The following SH3GL3 variants were observed in gnomAD, a reference collection of about 807,000 sequenced individuals.
The protein encoded by SH3GL3 is SH3 domain containing GRB2 like 3, endophilin A3, also known as endophilin-A3.
In SH3GL3, 33 loss-of-function variants were observed where a neutral mutation model predicts 47.7. That is an observed-to-expected ratio of 0.69 (90% CI 0.52 to 0.92). The LOEUF is 0.92. Among genes scored for constraint, SH3GL3 ranks in the 40% least tolerant of loss-of-function variants. The pLI is 0.00. For synonymous variants in SH3GL3, 155 were observed against 148.8 expected, an observed-to-expected ratio of 1.04 and a Z score of -0.30; for missense variants, 363 against 417.8, an observed-to-expected ratio of 0.87 and a Z score of 1.14.
chr15:83,483,572 G>T (rs2041464620), intron 1 of SH3GL3, among the ~76,000 whole-genome samples: 1 of 152,176 alleles, frequency 6.6e-6, no homozygotes. Context: ...CCCAGTACTT[G>T]TCACACAGTA....
Position 83,592,178 on chromosome 15 carries a change from T to C in SH3GL3, c.838+3407T>C, listed in dbSNP as rs1382003769. Among the ~76,000 whole-genome samples the C allele has an allele frequency of 3.3e-5, 5 of 152,248 alleles. No individual in the cohort carries two copies. The South Asian group carries it at 1.0e-3, about 31-fold the overall frequency. On this transcript the variant is annotated intron_variant, in intron 8 of 8. Coordinates refer to ENST00000427482, the MANE Select transcript of SH3GL3 (RefSeq NM_003027.5). The stretch of plus-strand genomic sequence containing the variant: ...TCTGATTCTTCAGTTTGGATAAATG[T>C]ATTGATTTCCTGATATGGAAGATAA...
At chr15:83,566,254 A>G (rs2045529068) in intron 3 of SH3GL3, among the ~76,000 whole-genome samples, 1 of 152,136 alleles carries the variant, frequency 6.6e-6, no homozygotes, top group East Asian at 1.9e-4. Flanking sequence ...CCTAGAGAAG[A>G]GGCAGCCCTA....
chr15:83,617,208 T>C (rs1469577476), intron 8 of SH3GL3, among the ~76,000 whole-genome samples: 1 of 152,224 alleles, frequency 6.6e-6, no homozygotes, highest in African/African-American at 2.4e-5. Context: ...GTAAATATTC[T>C]TGTCTGTAAA....
chr15:83,517,086 C>G (rs2043008186), intron 1 of SH3GL3, among the ~76,000 whole-genome samples: 1 of 152,006 alleles, frequency 6.6e-6, no homozygotes, highest in Non-Finnish European at 1.5e-5. Flanking sequence ...CATACTTATA[C>G]ATGTCTCCTA....
At chr15:83,627,146 C>T in the SH3GL3 span, among the ~76,000 whole-genome samples, 5 of 151,900 alleles carry the variant, frequency 3.3e-5, no homozygotes, top group African/African-American at 7.3e-5. Flanking sequence ...CCTTGTAATC[C>T]CAGCACTTTG....
At chr15:83,532,505 T>C (rs1346364484) in intron 1 of SH3GL3, among the ~76,000 whole-genome samples, 2 of 152,162 alleles carry the variant, frequency 1.3e-5, no homozygotes, top group Non-Finnish European at 2.9e-5. Context: ...GGACAGTAGA[T>C]TTAGAATGTC....
chr15:83,517,814 C>T (rs772478572), intron 1 of SH3GL3, among the ~76,000 whole-genome samples: 16 of 151,998 alleles, frequency 1.1e-4, no homozygotes, highest in Non-Finnish European at 1.9e-4. Flanking sequence ...TATTGCATGA[C>T]GCTGAGGTTT....
chr15:83,531,588 A>G (rs79426250), intron 1 of SH3GL3, among the ~76,000 whole-genome samples: 159 of 152,272 alleles, frequency 1.0e-3, no homozygotes, highest in African/African-American at 3.5e-3. Context: ...TATGGATTTT[A>G]TTTTAAAGGT....
chr15:83,480,076 A>G (rs1384068442), intron 1 of SH3GL3, among the ~76,000 whole-genome samples: 1 of 152,204 alleles, frequency 6.6e-6, no homozygotes, highest in African/African-American at 2.4e-5. Context: ...CATAAGATGA[A>G]GATTTTTTGG....
At chr15:83,487,835 T>C (rs1336974990) in intron 1 of SH3GL3, among the ~76,000 whole-genome samples, 6 of 151,274 alleles carry the variant, frequency 4.0e-5, no homozygotes, top group Admixed American at 3.3e-4. Flanking sequence ...TCACTATCCA[T>C]TTTTTTTTCT....
In SH3GL3 at chr15:83,587,094, C is replaced by T. The variant is rs1185654098; in HGVS notation, c.728+8C>T. The T allele has an allele frequency of 1.3e-5, 20 of 1,520,900 alleles. No individual in the cohort carries two copies. The highest frequency in any genetic ancestry group is 1.8e-5 in the Non-Finnish European group (20 of 1,102,428). The allele number at this position is 1,520,900 out of a possible 1,614,324, so 94.2% of individuals were successfully genotyped here. A position where few individuals can be genotyped will look rare whatever the true frequency, so the allele number is the denominator to read the frequency against. ...GAGCAAGCTACAGATGCGGTAAGCA[C>T]CTCCACGTTTCTTACAAGCCAAGGG... is the stretch of plus-strand genomic sequence containing the variant. On this transcript the variant is annotated splice_region_variant and intron_variant, in intron 7 of 8. Transcript: ENST00000427482.
intron 8 of SH3GL3, among the ~76,000 whole-genome samples, chr15:83,604,703 T>C (rs1394682383): frequency 2.6e-5 from 4 of 152,218 alleles, no homozygotes; most frequent in Admixed American, 2.6e-4. Context: ...TGTATACATC[T>C]CTAGTACTAT....
chr15:83,500,689 C>G (rs1031287560), intron 1 of SH3GL3, among the ~76,000 whole-genome samples: 1 of 152,182 alleles, frequency 6.6e-6, no homozygotes, highest in African/African-American at 2.4e-5. Flanking sequence ...CTTCCTTTCT[C>G]CCTTCCAGGG....
intron 1 of SH3GL3, among the ~76,000 whole-genome samples, chr15:83,516,191 T>C (rs1384747642): frequency 1.3e-5 from 2 of 152,286 alleles, no homozygotes; most frequent in East Asian, 3.9e-4. Context: ...TCTCTTTTTC[T>C]GTGAACATAA....
chr15:83,511,296 G>T (rs2042736005), intron 1 of SH3GL3, among the ~76,000 whole-genome samples: 1 of 152,104 alleles, frequency 6.6e-6, no homozygotes, highest in African/African-American at 2.4e-5. Context: ...GCAGAAGTAG[G>T]GCTGGCAGAG....
At chr15:83,460,139 C>T (rs1398176390) in intron 1 of SH3GL3, among the ~76,000 whole-genome samples, 1 of 143,678 alleles carries the variant, frequency 7.0e-6, no homozygotes, top group African/African-American at 2.8e-5. Context: ...CTTGCTGTGT[C>T]ACCCAGGCTG....
chr15:83,574,102 G>C (rs963949815), intron 5 of SH3GL3, among the ~76,000 whole-genome samples: 2 of 152,186 alleles, frequency 1.3e-5, no homozygotes, highest in Admixed American at 6.5e-5. Flanking sequence ...CAGGCTCGGG[G>C]ACCTCGGTTG....
intron 1 of SH3GL3, among the ~76,000 whole-genome samples, chr15:83,504,012 G>A (rs745995442): frequency 1.3e-5 from 2 of 152,036 alleles, no homozygotes; most frequent in African/African-American, 4.8e-5. Flanking sequence ...ATGAATCACT[G>A]TTTATTTCCA....
intron 1 of SH3GL3, among the ~76,000 whole-genome samples, chr15:83,493,700 T>C (rs1414950638): frequency 1.4e-5 from 2 of 147,850 alleles, no homozygotes; most frequent in Admixed American, 6.7e-5. Flanking sequence ...GCAGCAACTT[T>C]CCAATCTGTA....
Sources: gnomAD v4.1 joint callset for allele counts (sites outside exome capture counted in the v4.1 genomes callset) on GRCh38, gnomAD v4.1.1 for gene constraint, MANE v1.5 for transcripts, NCBI Gene and HGNC (gene_info 2026-07-23, HGNC 2026-07-21) for gene names.